Variants in PTPRN2 observed in about 807,000 individuals in gnomAD.
PTPRN2 encodes the protein protein tyrosine phosphatase receptor type N2, also known as receptor-type tyrosine-protein phosphatase N2.
In PTPRN2, 74 loss-of-function variants were observed where a neutral mutation model predicts 118.8. That is an observed-to-expected ratio of 0.62 (90% CI 0.52 to 0.76). The LOEUF is 0.76. Ranked by LOEUF, PTPRN2 falls within the 30% of genes least tolerant of loss-of-function variation. The pLI is 0.00. For synonymous variants in PTPRN2, 641 were observed against 608.0 expected (o/e 1.05, Z -0.80); for missense variants, 1,481 against 1,394.4 (o/e 1.06, Z -0.99).
chr7:158,396,679 CGT>C (rs768471318), intron 2 of PTPRN2, among the ~76,000 whole-genome samples: 6 of 152,084 alleles, frequency 3.9e-5, no homozygotes, highest in Non-Finnish European at 7.4e-5. Flanking sequence ...TTTGTGTGCA[CGT>C]GTGTGTGCAT....
intron 11 of PTPRN2, among the ~76,000 whole-genome samples, chr7:158,080,422 T>C (rs1183100840): frequency 6.7e-6 from 1 of 150,362 alleles, no homozygotes. Flanking sequence ...GTGTGTTCCG[T>C]CCTGTCTTAT....
chr7:158,383,541 A>T (rs766529765), intron 2 of PTPRN2, among the ~76,000 whole-genome samples: 5 of 152,214 alleles, frequency 3.3e-5, no homozygotes, highest in Admixed American at 6.5e-5. Flanking sequence ...GGAACCAAAG[A>T]CTTTAAATAG....
chr7:157,997,629 G>C (rs962283778), intron 11 of PTPRN2, among the ~76,000 whole-genome samples: 2 of 151,850 alleles, frequency 1.3e-5, no homozygotes, highest in African/African-American at 4.8e-5. Flanking sequence ...AGATAAACGT[G>C]GGGGGAGGCA....
chr7:157,922,581 G>C (rs1798746241), intron 11 of PTPRN2, among the ~76,000 whole-genome samples: 1 of 103,134 alleles, frequency 9.7e-6, no homozygotes, highest in Admixed American at 1.1e-4. Context: ...GTTCTCTTTA[G>C]TTGGACACAA....
chr7:158,375,042 G>C (rs1245582115), intron 2 of PTPRN2, among the ~76,000 whole-genome samples: 1 of 152,174 alleles, frequency 6.6e-6, no homozygotes, highest in African/African-American at 2.4e-5. Context: ...AAAGATAGAT[G>C]AGAAACTCCA....
intron 22 of PTPRN2, 49 bp downstream of exon 22, chr7:157,548,897 G>A (rs1563202986): frequency 6.4e-7 from 1 of 1,559,992 alleles, no homozygotes; most frequent in East Asian, 2.2e-5. Context: ...CACGGCCGCA[G>A]AGAGGCACCT....
At chr7:158,284,933 G>A (rs970855797) in intron 3 of PTPRN2, among the ~76,000 whole-genome samples, 2 of 152,238 alleles carry the variant, frequency 1.3e-5, no homozygotes, top group African/African-American at 2.4e-5. Context: ...CATAGGGTGA[G>A]CAGTCTGCCT....
At chr7:158,221,642 G>A (rs1308891699) in intron 3 of PTPRN2, among the ~76,000 whole-genome samples, 1 of 152,108 alleles carries the variant, frequency 6.6e-6, no homozygotes, top group African/African-American at 2.4e-5. Context: ...TGAATGCCAA[G>A]CGGAAAGGGT....
At chr7:157,786,509 T>G (rs79858867) in intron 12 of PTPRN2, among the ~76,000 whole-genome samples, 5,082 of 152,292 alleles carry the variant, frequency 0.033, 319 homozygotes, top group African/African-American at 0.12. Context: ...GAAACTGGGC[T>G]TGTCCACAGC....
chr7:157,832,508 A>G (rs985075853), intron 12 of PTPRN2, among the ~76,000 whole-genome samples: 2 of 152,218 alleles, frequency 1.3e-5, no homozygotes, highest in Non-Finnish European at 2.9e-5. Flanking sequence ...AGTTTCACCC[A>G]CGCTTTGCCT....
intron 13 of PTPRN2, among the ~76,000 whole-genome samples, chr7:157,682,273 C>T (rs757266373): frequency 9.2e-5 from 14 of 152,120 alleles, no homozygotes; most frequent in African/African-American, 1.2e-4. Context: ...TTCACTGGAC[C>T]GGACAACAGC....
At chr7:158,226,806 T>C (rs1441295880) in intron 3 of PTPRN2, among the ~76,000 whole-genome samples, 1 of 151,902 alleles carries the variant, frequency 6.6e-6, no homozygotes, top group Non-Finnish European at 1.5e-5. Context: ...TGTCCTATTA[T>C]ATCATATTTA....
chr7:158,469,735 C>CAAAAA (rs56040599), intron 2 of PTPRN2, among the ~76,000 whole-genome samples: 1,801 of 67,136 alleles, frequency 0.027, 34 homozygotes, highest in African/African-American at 0.062. Flanking sequence ...AAAACCTGGC[C>CAAAAA]AAAAAAAAAA....
At chr7:158,495,311 T>A (rs2129445786) in intron 1 of PTPRN2, among the ~76,000 whole-genome samples, 1 of 152,308 alleles carries the variant, frequency 6.6e-6, no homozygotes, top group African/African-American at 2.4e-5. Context: ...AGGTGCAGTG[T>A]TTGAAGAGAT....
At chr7:158,344,206 G>A (rs578113209) in intron 2 of PTPRN2, among the ~76,000 whole-genome samples, 6 of 152,152 alleles carry the variant, frequency 3.9e-5, no homozygotes, top group South Asian at 4.2e-4. Flanking sequence ...CAGCACAGAC[G>A]GGGGAAGCTC....
intron 3 of PTPRN2, among the ~76,000 whole-genome samples, chr7:158,247,709 C>T (rs561757383): frequency 5.3e-5 from 8 of 152,240 alleles, no homozygotes; most frequent in South Asian, 2.1e-4. Context: ...CTCCGCCTCC[C>T]GGGTTCAAGC....
intron 6 of PTPRN2, among the ~76,000 whole-genome samples, chr7:158,151,514 T>TGCCCCTCCCTGCCCA (rs1563522262): frequency 4.8e-5 from 7 of 146,198 alleles, no homozygotes; most frequent in African/African-American, 1.3e-4. Context: ...TTTCTGCTCC[T>TGCCCCTCCCTGCCCA]CACCGCACGT....
At chr7:158,228,941 C>G (rs1469947044) in intron 3 of PTPRN2, among the ~76,000 whole-genome samples, 1 of 152,114 alleles carries the variant, frequency 6.6e-6, no homozygotes, top group African/African-American at 2.4e-5. Context: ...ACAAACTCTA[C>G]TCTGCAACTC....
intron 11 of PTPRN2, among the ~76,000 whole-genome samples, chr7:157,938,418 G>C (rs1799851062): frequency 6.6e-6 from 1 of 152,220 alleles, no homozygotes; most frequent in Non-Finnish European, 1.5e-5. Context: ...GCTCAGCAGG[G>C]ACACAGGAGA....
Sources: gnomAD v4.1 joint callset for allele counts (sites outside exome capture counted in the v4.1 genomes callset) on GRCh38, gnomAD v4.1.1 for gene constraint, MANE v1.5 for transcripts, NCBI Gene and HGNC (gene_info 2026-07-23, HGNC 2026-07-21) for gene names.